Variants in ZNF343 observed in about 807,000 individuals in gnomAD.
The protein encoded by ZNF343 is zinc finger protein 343.
In ZNF343, 11 loss-of-function variants were observed where a neutral mutation model predicts 13.8. The observed-to-expected ratio is 0.80, with a 90% CI of 0.50 to 1.32. The LOEUF (loss-of-function observed/expected upper bound fraction) is 1.32, where lower values mean the gene tolerates loss of function less well. ZNF343 is among the 40% of genes most tolerant of loss of function. ZNF343 has a pLI of 0.00. For missense variants in ZNF343, 658 were observed against 714.2 expected, an observed-to-expected ratio of 0.92 and a Z score of 0.90; for synonymous variants, 248 against 260.0, an observed-to-expected ratio of 0.95 and a Z score of 0.44.
Position 2,518,498 on chromosome 20 carries a change from C to G in ZNF343, c.-347+5957G>C. Among the ~76,000 whole-genome samples the G allele has an allele frequency of 6.6e-6, 1 of 151,414 alleles. No individual in the cohort carries two copies. The highest frequency in any genetic ancestry group is 1.9e-4 in the East Asian group (1 of 5,204). On this transcript the variant is annotated intron_variant, in intron 1 of 6. Coordinates refer to the ZNF343 transcript ENST00000358413. The surrounding 1 kb of genome is among the most constrained non-coding windows in gnomAD (Gnocchi z 4.6). ...AACTGTTGTCAAATAATCTTTTGTA[C>G]TCCAAAGTACTCCAAAATACACAAT...
rs1468172114 is a variant in ZNF343 at position 2,518,160 on chromosome 20, C to T, written c.-347+6295G>A. ...TTCTGAGTAGCTGGGATTACAGGCG[C>T]GTGCCACCACGTCTGGCTACCTTTT... On this transcript the variant is annotated intron_variant, in intron 1 of 6. Transcript: ENST00000358413. The surrounding 1 kb of genome is among the most constrained non-coding windows in gnomAD (Gnocchi z 4.6). 1.3e-5 allele frequency among the ~76,000 whole-genome samples: 2 copies of T among 151,988 alleles called. No homozygotes were observed. The highest frequency in any genetic ancestry group is 2.4e-5 in the African/African-American group (1 of 41,384).
intron 5 of ZNF343, among the ~76,000 whole-genome samples, chr20:2,490,543 G>T (rs6049488): frequency 0.4 from 56,891 of 143,496 alleles, 11,886 homozygotes; most frequent in African/African-American, 0.52. Flanking sequence ...TTTGGTTTTT[G>T]TTTTTTTTTT....
At chr20:2,487,703 T>C (rs923841093) in intron 5 of ZNF343, among the ~76,000 whole-genome samples, 5 of 152,228 alleles carry the variant, frequency 3.3e-5, no homozygotes, top group Admixed American at 3.3e-4. Flanking sequence ...GATTGCCAGG[T>C]CAAAGCATAT....
intron 5 of ZNF343, 101 bp downstream of exon 5, chr20:2,492,598 T>C (rs1301426575): frequency 2.1e-6 from 3 of 1,422,456 alleles, no homozygotes; most frequent in Non-Finnish European, 1.9e-6. Flanking sequence ...TTTTGTTTAC[T>C]AATGTGTTGT....
chr20:2,512,444 G>T (rs1274363922), upstream of ZNF343, among the ~76,000 whole-genome samples: 1 of 152,204 alleles, frequency 6.6e-6, no homozygotes, highest in East Asian at 1.9e-4. Context: ...AATTAAAACA[G>T]TGTGGTACTG....
At chr20:2,519,751 A>ATG (rs1387954184) in intron 1 of ZNF343, among the ~76,000 whole-genome samples, 1 of 152,142 alleles carries the variant, frequency 6.6e-6, no homozygotes, top group African/African-American at 2.4e-5. Flanking sequence ...TTCATTTGAG[A>ATG]TGTTCCTGAA....
At position 2,484,234 on chromosome 20, in the gene ZNF343, A is replaced by G. The variant is rs750209946; in HGVS notation, c.727T>C (p.Cys243Arg). The change falls in exon 6 of 6, where the codon TGT (cysteine) becomes CGT (arginine). Residue 243 changes from cysteine to arginine, a missense_variant. By Grantham distance (180) the Cys-to-Arg change is radical (BLOSUM62 -3). Transcript: ENST00000278772. The stretch of plus-strand genomic sequence containing the variant: ...TTATGGTCCGGTTCATACTCTCTAC[A>G]GTTGATTGCTCCAAATCTCAAGGTT... ...LETLRFGAIN[C>R]REYEPDHNLE... is the part of the protein sequence containing the mutation. 1 of 1,614,204 alleles carries G rather than the reference A, an allele frequency of 6.2e-7. No homozygotes were observed. Among genetic ancestry groups the G allele is most frequent in the Non-Finnish European group, 8.5e-7 (1 of 1,180,044 alleles).
At chr20:2,486,213 A>T (rs1206250030) in intron 5 of ZNF343, among the ~76,000 whole-genome samples, 1 of 152,144 alleles carries the variant, frequency 6.6e-6, no homozygotes, top group Non-Finnish European at 1.5e-5. Context: ...TTTTGTGTCA[A>T]ACACTGGAAC....
chr20:2,494,619 A>G (rs1412964768), intron 2 of ZNF343, among the ~76,000 whole-genome samples: 2 of 151,918 alleles, frequency 1.3e-5, no homozygotes, highest in African/African-American at 4.8e-5. Flanking sequence ...AAATACAAAA[A>G]TCAGCTGGGC....
chr20:2,492,875 C>A, intron 4 of ZNF343, 50 bp from the exon 5 acceptor site: 1 of 1,605,154 alleles, frequency 6.2e-7, no homozygotes. Context: ...TCAATCTTCC[C>A]TGTGTGTGGA....
rs753706578 is a variant in ZNF343 at position 2,484,348 on chromosome 20, T to C, written c.613A>G (p.Arg205Gly). 2 of 1,614,234 alleles carry C rather than the reference T, an allele frequency of 1.2e-6. No homozygotes were observed. The highest frequency in any genetic ancestry group is 2.2e-5 in the South Asian group (2 of 91,088). ...SPLQRQSASP[R>G]KGNMVVETEP... ...GTTTCTACCACCATGTTGCCTTTTC[T>C]AGGACTTGCTGACTGTCTTTGGAGT... The change falls in exon 6 of 6, where the codon AGA becomes GGA. Residue 205 changes from arginine to glycine, a missense_variant. By Grantham distance (125) the Arg-to-Gly change is moderately radical. Transcript: ENST00000278772.
chr20:2,492,380 C>T (rs2085379617), intron 5 of ZNF343, among the ~76,000 whole-genome samples: 1 of 152,232 alleles, frequency 6.6e-6, no homozygotes, highest in South Asian at 2.1e-4. Context: ...TACTTCTTCA[C>T]TGATTTCAAA....
chr20:2,500,780 C>G (rs1274842689), intron 1 of ZNF343, 38 bp from the exon 2 acceptor site: 1 of 152,144 alleles, frequency 6.6e-6, no homozygotes, highest in African/African-American at 2.4e-5. Flanking sequence ...TCAGGATTGT[C>G]TCCTACCACC....
chr20:2,519,431 G>C (rs1275344772), intron 1 of ZNF343, among the ~76,000 whole-genome samples: 1 of 152,098 alleles, frequency 6.6e-6, no homozygotes, highest in Non-Finnish European at 1.5e-5. Context: ...TCACCTCACT[G>C]AATAGAACAA....
At chr20:2,485,811 G>C (rs1441462103) in intron 5 of ZNF343, among the ~76,000 whole-genome samples, 1 of 152,188 alleles carries the variant, frequency 6.6e-6, no homozygotes. Context: ...ACTGCCAGAG[G>C]AACACAGCTG....
chr20:2,504,914 C>T (rs530769532), intron 1 of ZNF343, among the ~76,000 whole-genome samples: 1 of 152,290 alleles, frequency 6.6e-6, no homozygotes, highest in East Asian at 1.9e-4. Flanking sequence ...CCCTCTCTCA[C>T]CACTCCTATT....
intron 5 of ZNF343, among the ~76,000 whole-genome samples, chr20:2,490,807 G>T (rs2085355736): frequency 6.6e-6 from 1 of 152,088 alleles, no homozygotes; most frequent in Non-Finnish European, 1.5e-5. Flanking sequence ...AACCTAGTTG[G>T]ACTAACCAGC....
chr20:2,500,459 G>C (rs775449854), intron 2 of ZNF343, among the ~76,000 whole-genome samples, 197 bp downstream of exon 2: 2 of 152,226 alleles, frequency 1.3e-5, no homozygotes, highest in South Asian at 2.1e-4. Context: ...ACCTGAATGA[G>C]AGTACCAGTC....
rs1229236547 is a variant in ZNF343, at chr20:2,490,536, G to GT, written c.304+2162_304+2163insA. Among the ~76,000 whole-genome samples, 84 of 144,630 alleles carry GT rather than the reference G, an allele frequency of 5.8e-4. 1 individual carries two copies. The highest frequency in any genetic ancestry group is 4.6e-3 in the East Asian group (23 of 5,028). 94.9% of individuals were successfully genotyped at this position (144,630 alleles called of 152,430 possible). A position where few individuals can be genotyped will look rare whatever the true frequency, so the allele number is the denominator to read the frequency against. ...TTGCTGTTTTATGGGTCTTTTTTTT[G>GT]GTTTTTGTTTTTTTTTTTGAGATGG... is the stretch of plus-strand genomic sequence containing the variant. On this transcript the variant is annotated intron_variant, in intron 5 of 5. Coordinates refer to ENST00000278772, the MANE Select transcript of ZNF343 (RefSeq NM_024325.6).
Sources: gnomAD v4.1 joint callset for allele counts (sites outside exome capture counted in the v4.1 genomes callset) on GRCh38, gnomAD v4.1.1 for gene constraint, Gnocchi (gnomAD v3.1) non-coding constraint, MANE v1.5 for transcripts, NCBI Gene and HGNC (gene_info 2026-07-23, HGNC 2026-07-21) for gene names.